Variants in TTC12 observed in about 807,000 individuals in gnomAD.
The protein encoded by TTC12 is tetratricopeptide repeat protein 12.
A neutral mutation model predicts 90.1 loss-of-function variants in TTC12; 70 were observed. That is an observed-to-expected ratio of 0.78 (90% CI 0.64 to 0.95). The LOEUF (loss-of-function observed/expected upper bound fraction) is 0.95. Ranked by LOEUF, TTC12 falls within the 40% of genes least tolerant of loss-of-function variation. The pLI, the probability that TTC12 is intolerant of heterozygous loss-of-function variation, is 0.00. For synonymous variants in TTC12, 296 were observed against 311.5 expected (o/e 0.95, Z 0.53); for missense variants, 819 against 846.1 (o/e 0.97, Z 0.40).
At chr11:113,352,850 T>A (rs181353469) in intron 16 of TTC12, among the ~76,000 whole-genome samples, 136 of 152,354 alleles carry the variant, frequency 8.9e-4, no homozygotes, top group African/African-American at 3.2e-3. Context: ...ATCCAGTCTA[T>A]CATTGATGGG....
At chr11:113,357,233 G>A (rs1949682534) in intron 16 of TTC12, among the ~76,000 whole-genome samples, 1 of 152,116 alleles carries the variant, frequency 6.6e-6, no homozygotes, top group African/African-American at 2.4e-5. Flanking sequence ...TAACACTTGT[G>A]ATTACATTAT....
At chr11:113,359,773 G>T (rs1032715946) in intron 17 of TTC12, among the ~76,000 whole-genome samples, 167 bp from the exon 18 acceptor site, 2 of 152,206 alleles carry the variant, frequency 1.3e-5, no homozygotes, top group African/African-American at 4.8e-5. Context: ...TGGAGTTAGG[G>T]GAGACAGACA....
Position 113,316,832 on chromosome 11 carries a change from A to G in TTC12, c.58+517A>G, listed in dbSNP as rs140769038. ...CCTTTCCCAAGTTCAGGCAGGTTGG[A>G]TCTCAAAGAAATGTACTCTGATCCC... On this transcript the variant is annotated intron_variant, in intron 2 of 21. Coordinates refer to ENST00000529221, the MANE Select transcript of TTC12 (RefSeq NM_017868.4). Among the ~76,000 whole-genome samples, 383 of 152,348 alleles carry G rather than the reference A, an allele frequency of 2.5e-3. 3 individuals are homozygous for G. The highest frequency in any genetic ancestry group is 8.8e-3 in the African/African-American group (367 of 41,574).
chr11:113,334,896 T>C, intron 7 of TTC12, 70 bp from the exon 8 acceptor site: 1 of 1,270,300 alleles, frequency 7.9e-7, no homozygotes, highest in Non-Finnish European at 1.1e-6. Flanking sequence ...CTTTTAGCTG[T>C]ATAGTGAGGG....
intron 8 of TTC12, among the ~76,000 whole-genome samples, chr11:113,335,348 T>G (rs1181083798): frequency 6.6e-6 from 1 of 152,182 alleles, no homozygotes; most frequent in Non-Finnish European, 1.5e-5. Context: ...ACCATGCAGA[T>G]CAGTCAACCT....
intron 21 of TTC12, 40 bp downstream of exon 21, chr11:113,365,100 A>G (rs1319347410): frequency 1.3e-6 from 2 of 1,582,818 alleles, no homozygotes; most frequent in African/African-American, 2.7e-5. Context: ...CTATTGCAGA[A>G]AGAGCAGCTG....
chr11:113,364,715 G>T, intron 20 of TTC12, 120 bp from the exon 21 acceptor site: 1 of 736,470 alleles, frequency 1.4e-6, no homozygotes, highest in Non-Finnish European at 2.3e-6. Context: ...AAGTTCTGCT[G>T]CAGAGTTACT....
At chr11:113,358,818 G>T (rs1949762209) in intron 16 of TTC12, among the ~76,000 whole-genome samples, 1 of 152,180 alleles carries the variant, frequency 6.6e-6, no homozygotes, top group African/African-American at 2.4e-5. Context: ...AGATCAGGTT[G>T]CTCTTTGCCA....
At chr11:113,317,365 CAGTT>C (rs1947005359) in intron 2 of TTC12, among the ~76,000 whole-genome samples, 1 of 152,080 alleles carries the variant, frequency 6.6e-6, no homozygotes, top group African/African-American at 2.4e-5. Context: ...ATCCTGGTCT[CAGTT>C]GGTGACACCA....
In TTC12 at chr11:113,325,662, TGTATC is replaced by T; in HGVS notation, c.444+18_444+22del. The stretch of plus-strand genomic sequence containing the variant: ...CGAGCCCAGGTCAGTGAGGCAGGGA[TGTATC>T]CATGGGGCTTTCTCAGGGAATAGTT... On this transcript the variant is annotated intron_variant, in intron 6 of 21. Transcript: ENST00000529221. The T allele has an allele frequency of 6.2e-7, 1 of 1,613,414 alleles. No homozygotes were observed. The highest frequency in any genetic ancestry group is 1.7e-5 in the Admixed American group (1 of 59,938).
chr11:113,352,818 G>A (rs1414602283), intron 16 of TTC12, among the ~76,000 whole-genome samples: 1 of 152,200 alleles, frequency 6.6e-6, no homozygotes, highest in Non-Finnish European at 1.5e-5. Context: ...ATTCCGTGGT[G>A]TATATGTACC....
chr11:113,333,443 G>A (rs994961966), intron 7 of TTC12, among the ~76,000 whole-genome samples: 5 of 152,132 alleles, frequency 3.3e-5, no homozygotes, highest in South Asian at 2.1e-4. Context: ...ATTTTCTGTA[G>A]CATTTATATG....
rs1591568664 is a variant in TTC12, at chr11:113,340,838, C to T, written c.896+105C>T. Reference sequence around the variant, plus strand: ...TAGACAGTCACGTTTCTGAACATTACCCCCCTTCAGTCAGTAGTGGGGGGC... The same window carrying T: ...TAGACAGTCACGTTTCTGAACATTATCCCCCTTCAGTCAGTAGTGGGGGGC... On this transcript the variant is annotated intron_variant, in intron 11 of 21. Transcript: ENST00000529221. 5.2e-6 allele frequency: 5 copies of T among 964,216 alleles called. No homozygotes were observed. The East Asian group carries it at 9.8e-5, about 19-fold the overall frequency. The allele number at this position is 964,216 out of a possible 1,614,324, so 59.7% of individuals were successfully genotyped here.
intron 18 of TTC12, among the ~76,000 whole-genome samples, chr11:113,360,316 A>G (rs369690926): frequency 3.9e-5 from 6 of 152,140 alleles, no homozygotes; most frequent in African/African-American, 1.4e-4. Context: ...AGCTTAGATG[A>G]TATAATCGAT....
intron 16 of TTC12, among the ~76,000 whole-genome samples, chr11:113,354,828 G>A (rs1949528596): frequency 6.6e-6 from 1 of 152,158 alleles, no homozygotes; most frequent in African/African-American, 2.4e-5. Context: ...TGATGGATGA[G>A]CTTTTTGATG....
chr11:113,370,355 G>A (rs1282512649), downstream of TTC12, among the ~76,000 whole-genome samples: 2 of 152,188 alleles, frequency 1.3e-5, no homozygotes, highest in African/African-American at 4.8e-5. Flanking sequence ...CCCCAGAGCT[G>A]CATCCCCCTA....
chr11:113,329,847 G>A, intron 6 of TTC12, 73 bp from the exon 7 acceptor site: 1 of 1,254,914 alleles, frequency 8.0e-7, no homozygotes, highest in Admixed American at 1.7e-5. Context: ...CTGTTCGAAT[G>A]TTCTTTCTGT....
chr11:113,330,030 G>C (rs1555142269), intron 7 of TTC12, 51 bp downstream of exon 7: 6 of 1,414,736 alleles, frequency 4.2e-6, no homozygotes, highest in South Asian at 1.1e-5. Flanking sequence ...GAAGTAGATA[G>C]AAGGCAGCTG....
At chr11:113,372,760 G>T (rs1474689410) in intron 21 of TTC12, among the ~76,000 whole-genome samples, 1 of 152,094 alleles carries the variant, frequency 6.6e-6, no homozygotes, top group Non-Finnish European at 1.5e-5. Context: ...AAGCCTTAAA[G>T]TAGGCTTGGT....
Sources: gnomAD v4.1 joint callset for allele counts (sites outside exome capture counted in the v4.1 genomes callset) on GRCh38, gnomAD v4.1.1 for gene constraint, MANE v1.5 for transcripts, NCBI Gene and HGNC (gene_info 2026-07-23, HGNC 2026-07-21) for gene names.